The following NBPF11 variants were observed in gnomAD, a reference collection of about 807,000 sequenced individuals.
NBPF11 encodes NBPF member 11, also known as NBPF family member NBPF11.
Under a neutral mutation model 93.9 loss-of-function variants are expected in NBPF11, and 72 were observed. That is an observed-to-expected ratio of 0.77 (90% CI 0.63 to 0.93). The LOEUF is 0.93. NBPF11 is among the 40% of genes least tolerant of loss of function. The pLI is 0.00. For missense variants in NBPF11, 705 were observed against 802.2 expected (o/e 0.88, Z 1.46); for synonymous variants, 224 against 304.9 (o/e 0.73, Z 2.76).
chr1:148,129,274 A>C (rs1369439503), intron 4 of NBPF11, among the ~76,000 whole-genome samples: 1 of 147,696 alleles, frequency 6.8e-6, no homozygotes, highest in Non-Finnish European at 1.5e-5. Flanking sequence ...ACGTGTATAT[A>C]CATAATATAC....
chr1:148,127,778 G>A (rs1425512100), intron 4 of NBPF11, among the ~76,000 whole-genome samples: 1 of 147,820 alleles, frequency 6.8e-6, no homozygotes, highest in African/African-American at 2.5e-5. Context: ...AAGTAGCTGG[G>A]AATACAGGCG....
rs1334449446 is a variant in NBPF11, at chr1:148,129,147, T to C, written c.-35-2109A>G. The stretch of plus-strand genomic sequence containing the variant: ...TATGTATTATTTATATATACACATG[T>C]ATATATATTATATATATATACACAT... On this transcript the variant is annotated intron_variant, in intron 4 of 23. Transcript: ENST00000682118. 3.8e-3 allele frequency among the ~76,000 whole-genome samples: 545 copies of C among 142,062 alleles called. 13 individuals are homozygous for C. The highest frequency in any genetic ancestry group is 0.013 in the African/African-American group (481 of 38,080). 93.2% of individuals were successfully genotyped at this position (142,062 alleles called of 152,430 possible). A position where few individuals can be genotyped will look rare whatever the true frequency, so the allele number is the denominator to read the frequency against.
Position 148,115,870 on chromosome 1 carries a change from T to C in NBPF11, c.1508A>G (p.Glu503Gly), listed in dbSNP as rs1398594391. ...GAGAGTTGAGTCGACTTTGTCTTCC[T>C]CAAATGTGATTTTGGTTTTTCTATG... ...QPHRKTKITF[E>G]EDKVDSTLIG... Residue 503 changes from glutamate (E) to glycine (G), a missense_variant, in exon 14 of 24, where the codon GAG becomes GGG. Physicochemically the swap from Glu to Gly is moderately conservative, Grantham distance 98. Around this residue, in one of 12 missense-constraint regions of NBPF11, gnomAD observed 54 missense variants for 91.8 expected, o/e 0.59. Coordinates refer to ENST00000682118, the MANE Select transcript of NBPF11 (RefSeq NM_001385469.3). 4 of 1,582,672 alleles carry C rather than the reference T, an allele frequency of 2.5e-6. No homozygotes were observed. Among genetic ancestry groups the C allele is most frequent in the Non-Finnish European group, 2.6e-6 (3 of 1,162,564 alleles).
intron 1 of NBPF11, among the ~76,000 whole-genome samples, chr1:148,145,689 T>C (rs1486637042): frequency 6.6e-6 from 1 of 151,530 alleles, no homozygotes; most frequent in Non-Finnish European, 1.5e-5. Context: ...TATCGGGCTA[T>C]GCAACATGGC....
At chr1:148,124,151 A>G in intron 6 of NBPF11, 84 bp from the exon 7 acceptor site, 1 of 1,512,294 alleles carries the variant, frequency 6.6e-7, no homozygotes, top group East Asian at 2.3e-5. Flanking sequence ...TTCTGAGACA[A>G]TGTTCTCAAG....
rs1553267089 is a variant in NBPF11, at chr1:148,105,523, C to T, written c.2309G>A (p.Ser770Asn). 3 of 873,144 alleles carry T rather than the reference C, an allele frequency of 3.4e-6. No homozygotes were observed. Among genetic ancestry groups the T allele is most frequent in the Non-Finnish European group, 5.5e-6 (3 of 540,860 alleles). The allele number at this position is 873,144 out of a possible 1,614,324, so 54.1% of individuals were successfully genotyped here. A position where few individuals can be genotyped will look rare whatever the true frequency, so the allele number is the denominator to read the frequency against. ...CTCTACTACCTCCAGCAGCTCCCTG[C>T]TGAGCCTGGAAAAGGAGGAAAAAGT... ...EDQGPPCPRLSRELLEVVEPE... is the reference protein window; with the variant it reads ...EDQGPPCPRLNRELLEVVEPE... Residue 770 changes from serine to asparagine, a missense_variant, in exon 22 of 24, where the codon AGC becomes AAC. Ser to Asn is a conservative substitution (Grantham distance 46). Around this residue, in one of 12 missense-constraint regions of NBPF11, gnomAD observed 109 missense variants for 83.3 expected, o/e 1.31. Coordinates refer to ENST00000682118, the MANE Select transcript of NBPF11 (RefSeq NM_001385469.3).
At chr1:148,132,812 T>TGC (rs1163831851) in intron 4 of NBPF11, among the ~76,000 whole-genome samples, 13 of 95,480 alleles carry the variant, frequency 1.4e-4, no homozygotes, top group Non-Finnish European at 2.5e-4. Flanking sequence ...AGTGCAGTGA[T>TGC]GCGATCTCGG....
In NBPF11 at chr1:148,103,875, C is replaced by T; in HGVS notation, c.*21G>A. ...TATCTATCCAGTGAGTCCTGTAAGACTTCAGGCACTTCCACTTCCATCAGC... is the reference window on the plus strand; with the variant it reads ...TATCTATCCAGTGAGTCCTGTAAGATTTCAGGCACTTCCACTTCCATCAGC... On this transcript the variant is annotated 3_prime_UTR_variant, in exon 24 of 24. Transcript: ENST00000682118. 2 of 1,611,138 alleles carry T rather than the reference C, an allele frequency of 1.2e-6. No homozygotes were observed. Among genetic ancestry groups the T allele is most frequent in the African/African-American group, 2.7e-5 (2 of 74,718 alleles).
At position 148,120,647 on chromosome 1, in the gene NBPF11, C is replaced by A; in HGVS notation, c.842G>T (p.Ser281Ile). Residue 281 changes from serine (S) to isoleucine (I), a missense_variant, in exon 10 of 24, where the codon AGC becomes ATC. Physicochemically the swap from Ser to Ile is moderately radical, Grantham distance 142. Coordinates refer to ENST00000682118, the MANE Select transcript of NBPF11 (RefSeq NM_001385469.3). Reference protein sequence around the residue: ...SMVVSAGPLSSEKAEMNILEI... With the variant: ...SMVVSAGPLSIEKAEMNILEI... ...TAGAATGTTCATCTCTGCCTTCTCG[C>A]TGGACAAAGGGCCGGCTGATACCAC... 6.5e-7 allele frequency: 1 copy of A among 1,543,676 alleles called. No individual in the cohort carries two copies. The highest frequency in any genetic ancestry group is 1.7e-5 in the Admixed American group (1 of 59,914).
intron 1 of NBPF11, among the ~76,000 whole-genome samples, chr1:148,147,759 CA>C (rs1673424526): frequency 1.3e-5 from 2 of 151,974 alleles, no homozygotes; most frequent in African/African-American, 4.8e-5. Flanking sequence ...CCCCTGGCAC[CA>C]CCCTGGCTCC....
intron 9 of NBPF11, among the ~76,000 whole-genome samples, chr1:148,121,263 C>T (rs1173197445): frequency 4.6e-5 from 7 of 151,512 alleles, no homozygotes; most frequent in Non-Finnish European, 4.4e-5. Flanking sequence ...AGGCTGGTTT[C>T]GAACTCCTGA....
intron 23 of NBPF11, 95 bp downstream of exon 23, chr1:148,104,442 T>A (rs1250960952): frequency 1.6e-6 from 1 of 613,508 alleles, no homozygotes; most frequent in Non-Finnish European, 2.8e-6. Flanking sequence ...TCAGCCTTCG[T>A]TGAAAACATG....
At chr1:148,134,917 C>T (rs1261342232) in intron 4 of NBPF11, among the ~76,000 whole-genome samples, 12 of 151,948 alleles carry the variant, frequency 7.9e-5, no homozygotes, top group Non-Finnish European at 4.4e-5. Flanking sequence ...CAAGCCTCAA[C>T]CATGCTTTGC....
rs782283265 is a variant in NBPF11 at position 148,105,513 on chromosome 1, C to A, written c.2319G>T (p.Leu773=). 2.1e-6 allele frequency: 2 copies of A among 944,062 alleles called. 1 individual carries two copies. Among genetic ancestry groups the A allele is most frequent in the East Asian group, 5.3e-5 (2 of 37,770 alleles). The allele number at this position is 944,062 out of a possible 1,614,324, so 58.5% of individuals were successfully genotyped here. A position where few individuals can be genotyped will look rare whatever the true frequency, so the allele number is the denominator to read the frequency against. Residue 773 remains leucine (L), a synonymous_variant, in exon 22 of 24, where the codon CTG becomes CTT. Transcript: ENST00000682118. ...GPPCPRLSRE[L]LEVVEPEVLQ... is the part of the protein sequence containing the mutation. ...AGACTTCAGGCTCTACTACCTCCAG[C>A]AGCTCCCTGCTGAGCCTGGAAAAGG...
intron 1 of NBPF11, chr1:148,146,857 G>A (rs1321142658): frequency 3.7e-5 from 60 of 1,613,676 alleles, no homozygotes; most frequent in Non-Finnish European, 1.8e-5. Context: ...TGCCAGCTCG[G>A]GCAGGCCTTC....
chr1:148,138,250 T>C lies in NBPF11; in HGVS notation c.-276-441A>G, dbSNP rs1215892237. Among the ~76,000 whole-genome samples the C allele has an allele frequency of 1.2e-3, 181 of 150,982 alleles. 3 individuals carry two copies. The highest frequency in any genetic ancestry group is 4.5e-3 in the East Asian group (23 of 5,058). On this transcript the variant is annotated intron_variant, in intron 2 of 23. Transcript: ENST00000682118. ...GGCGGTTTTCTCCTATCTCAGTAGA[T>C]GGAATATACAATCGGGCTTTACACC...
At chr1:148,133,352 T>C (rs1388878585) in intron 4 of NBPF11, among the ~76,000 whole-genome samples, 1 of 152,060 alleles carries the variant, frequency 6.6e-6, no homozygotes, top group African/African-American at 2.4e-5. Context: ...TCTAGTATAA[T>C]GCTGAATTAA....
chr1:148,144,456 A>C (rs2149300471), intron 1 of NBPF11, among the ~76,000 whole-genome samples: 1 of 151,854 alleles, frequency 6.6e-6, no homozygotes, highest in Middle Eastern at 3.4e-3. Context: ...TCATTCATTT[A>C]ACAAATATTT....
rs1666015739 is a variant in NBPF11 at position 148,114,492 on chromosome 1, T to C, written c.1586-4A>G. On this transcript the variant is annotated splice_polypyrimidine_tract_variant and splice_region_variant and intron_variant, in intron 14 of 23. Coordinates refer to ENST00000682118, the MANE Select transcript of NBPF11 (RefSeq NM_001385469.3). Reference sequence around the variant, plus strand: ...TCCTCATCATCACTTTCATTTTCTGTAAATAAATTCAGAGAAGCAGGTCAC... The same window carrying C: ...TCCTCATCATCACTTTCATTTTCTGCAAATAAATTCAGAGAAGCAGGTCAC... 3 of 589,788 alleles carry C rather than the reference T, an allele frequency of 5.1e-6. No individual in the cohort carries two copies. The Admixed American group carries it at 8.8e-5, about 17-fold the overall frequency. The allele number at this position is 589,788 out of a possible 1,614,324, so 36.5% of individuals were successfully genotyped here.
Sources: gnomAD v4.1 joint callset for allele counts (sites outside exome capture counted in the v4.1 genomes callset) on GRCh38, gnomAD v4.1.1 for gene constraint, gnomAD v4.1.1 regional missense constraint, MANE v1.5 for transcripts, NCBI Gene and HGNC (gene_info 2026-07-23, HGNC 2026-07-21) for gene names.